Variants in WRN observed in about 807,000 individuals in gnomAD.
The protein encoded by WRN is bifunctional 3'-5' exonuclease/ATP-dependent helicase WRN.
In WRN, 149 loss-of-function variants were observed where a neutral mutation model predicts 180.7. The ratio of observed to expected loss-of-function variants is 0.82; its 90% CI spans 0.72 to 0.94. The LOEUF is 0.94. Among genes scored for constraint, WRN ranks in the 40% least tolerant of loss-of-function variants. The pLI is 0.00. For missense variants in WRN, 1,661 were observed against 1,700.1 expected, an observed-to-expected ratio of 0.98 and a Z score of 0.40; for synonymous variants, 548 against 568.9, an observed-to-expected ratio of 0.96 and a Z score of 0.52.
At chr8:31,163,032 C>T (rs548571724) in intron 33 of WRN, among the ~76,000 whole-genome samples, 149 of 152,282 alleles carry the variant, frequency 9.8e-4, no homozygotes, top group Admixed American at 1.8e-3. Context: ...AAAGAATGTT[C>T]CCCAAAATAT....
chr8:31,136,148 T>C (rs1029595992), intron 24 of WRN, among the ~76,000 whole-genome samples: 28 of 152,186 alleles, frequency 1.8e-4, no homozygotes, highest in Non-Finnish European at 4.4e-5. Context: ...TACAGGTGCA[T>C]GCCACCATGC....
chr8:31,143,454 A>C, intron 27 of WRN, 96 bp from the exon 28 acceptor site: 1 of 835,698 alleles, frequency 1.2e-6, no homozygotes. Context: ...TAGGCAAAGA[A>C]AAAATTGTGA....
At chr8:31,087,633 C>A in intron 11 of WRN, 143 bp from the exon 12 acceptor site, 1 of 761,714 alleles carries the variant, frequency 1.3e-6, no homozygotes, top group Non-Finnish European at 2.2e-6. Flanking sequence ...CCGGAGCACA[C>A]ATGTTCTTTT....
intron 6 of WRN, among the ~76,000 whole-genome samples, chr8:31,067,453 A>G (rs1469230868): frequency 6.6e-6 from 1 of 152,188 alleles, no homozygotes; most frequent in African/African-American, 2.4e-5. Context: ...AAAAATGTGA[A>G]CTTGCTGAAA....
chr8:31,039,800 A>G (rs1811580919), intron 1 of WRN, among the ~76,000 whole-genome samples: 1 of 152,102 alleles, frequency 6.6e-6, no homozygotes, highest in East Asian at 1.9e-4. Context: ...TGTCAATTGA[A>G]ATGATCATGT....
At chr8:31,089,112 A>G (rs1813648177) in intron 13 of WRN, 147 bp downstream of exon 13, 5 of 693,590 alleles carry the variant, frequency 7.2e-6, no homozygotes, top group African/African-American at 1.8e-5. Flanking sequence ...TGACTACAAA[A>G]TTATTTCAAA....
intron 23 of WRN, among the ~76,000 whole-genome samples, chr8:31,126,730 C>G (rs1801944810): frequency 6.6e-6 from 1 of 152,004 alleles, no homozygotes; most frequent in Non-Finnish European, 1.5e-5. Context: ...AAAAACAAAG[C>G]AGCATGCAGC....
At chr8:31,042,972 C>T (rs886351409) in intron 1 of WRN, among the ~76,000 whole-genome samples, 2 of 152,164 alleles carry the variant, frequency 1.3e-5, no homozygotes, top group Non-Finnish European at 2.9e-5. Flanking sequence ...TTAATTATCC[C>T]ATCCTGTCAA....
At chr8:31,058,700 G>C (rs1013714904) in intron 2 of WRN, among the ~76,000 whole-genome samples, 157 bp downstream of exon 2, 6 of 152,134 alleles carry the variant, frequency 3.9e-5, no homozygotes, top group Non-Finnish European at 5.9e-5. Flanking sequence ...GGGTAAACTG[G>C]AATAAACTTT....
At chr8:31,150,174 T>G (rs956421557) in intron 30 of WRN, among the ~76,000 whole-genome samples, 167 bp from the exon 31 acceptor site, 1 of 152,170 alleles carries the variant, frequency 6.6e-6, no homozygotes, top group African/African-American at 2.4e-5. Flanking sequence ...AGAAAGAAAT[T>G]ATAAAACATG....
chr8:31,144,152 G>A (rs11574347), intron 28 of WRN, among the ~76,000 whole-genome samples: 2,534 of 152,186 alleles, frequency 0.017, 81 homozygotes, highest in African/African-American at 0.057. Flanking sequence ...GCAACCCTGC[G>A]TCAAACAGGT....
intron 8 of WRN, among the ~76,000 whole-genome samples, chr8:31,078,845 T>C (rs1182544594): frequency 1.3e-5 from 2 of 152,180 alleles, no homozygotes; most frequent in Non-Finnish European, 2.9e-5. Context: ...CAGCCGTTGG[T>C]ATTTGTTAGA....
chr8:31,073,525 A>G (rs1028663517), intron 7 of WRN, among the ~76,000 whole-genome samples: 1 of 129,786 alleles, frequency 7.7e-6, no homozygotes, highest in African/African-American at 3.2e-5. Context: ...TATCCAAGAG[A>G]TATCAATATT....
chr8:31,074,172 G>A (rs577442329), intron 7 of WRN, among the ~76,000 whole-genome samples: 3 of 151,112 alleles, frequency 2.0e-5, no homozygotes, highest in South Asian at 2.1e-4. Context: ...TGATCCACCC[G>A]CCTCGGCCTC....
chr8:31,109,157 C>T (rs1246038227), intron 18 of WRN, among the ~76,000 whole-genome samples: 2 of 152,200 alleles, frequency 1.3e-5, no homozygotes, highest in African/African-American at 4.8e-5. Flanking sequence ...CAGACAGCAA[C>T]ATGCAAGAAT....
chr8:31,143,073 TCA>T (rs765663698), intron 27 of WRN, among the ~76,000 whole-genome samples: 3 of 146,294 alleles, frequency 2.1e-5, no homozygotes, highest in Non-Finnish European at 3.0e-5. Flanking sequence ...TCTCTCTCTC[TCA>T]CACACACACA....
chr8:31,128,017 A>G (rs1006730889), intron 23 of WRN, among the ~76,000 whole-genome samples: 1 of 151,964 alleles, frequency 6.6e-6, no homozygotes, highest in African/African-American at 2.4e-5. Context: ...GGCCGAGGCA[A>G]GAGAATTGCT....
rs182077287 is a variant in WRN at position 31,147,425 on chromosome 8, C to T, written c.3521C>T (p.Pro1174Leu). Residue 1174 changes from proline to leucine, a missense_variant, in exon 30 of 35, where the codon CCC (proline) becomes CTC (leucine). Physicochemically the swap from Pro to Leu is moderately conservative, Grantham distance 98 (BLOSUM62 -3). Around this residue, in one of 3 missense-constraint regions of WRN, gnomAD observed 1,141 missense variants for 1,149.4 expected, o/e 0.99. Transcript: ENST00000298139. The stretch of plus-strand genomic sequence containing the variant: ...AAACATGCCAATAAAATGGATGTTC[C>T]CCCAGCTATTCTGGCAACAAACAAG... ...RQKHANKMDV[P>L]PAILATNKIL... The T allele has an allele frequency of 6.2e-7, 1 of 1,613,980 alleles. No homozygotes were observed. The highest frequency in any genetic ancestry group is 2.2e-5 in the East Asian group (1 of 44,838).
At position 31,174,062 on chromosome 8, in the gene WRN, GT is replaced by G. The variant is rs1804194255; in HGVS notation, c.*964del. Among the ~76,000 whole-genome samples, 1 of 152,194 alleles carries G rather than the reference GT, an allele frequency of 6.6e-6. No homozygotes were observed. The highest frequency in any genetic ancestry group is 2.4e-5 in the African/African-American group (1 of 41,448). On this transcript the variant is annotated 3_prime_UTR_variant, in exon 35 of 35. Transcript: ENST00000298139. Reference sequence around the variant, plus strand: ...AAAATGAAAATAAAAATCATTCATAGTTTTACTAGTAGCTAATCACAGTCAA... The same window carrying G: ...AAAATGAAAATAAAAATCATTCATAGTTTACTAGTAGCTAATCACAGTCAA...
Sources: allele counts gnomAD v4.1 joint callset (sites outside exome capture counted in the v4.1 genomes callset), GRCh38; gene constraint gnomAD v4.1.1; regional missense constraint gnomAD v4.1.1; transcripts MANE v1.5; gene names NCBI Gene and HGNC (gene_info 2026-07-23, HGNC 2026-07-21).